Variants in CTBP2 observed in about 807,000 individuals in gnomAD.
The protein encoded by CTBP2 is C-terminal binding protein 2.
A neutral mutation model predicts 80.3 loss-of-function variants in CTBP2; 30 were observed. The ratio of observed to expected loss-of-function variants is 0.37; its 90% CI spans 0.28 to 0.51. CTBP2 has a LOEUF of 0.51. Ranked by LOEUF, CTBP2 falls within the 20% of genes least tolerant of loss-of-function variation. The probability of loss-of-function intolerance (pLI) is 0.93; values close to 1 mark genes in which losing one functional copy is unlikely to be tolerated. For synonymous variants in CTBP2, 594 were observed against 587.4 expected (o/e 1.01, Z -0.16); for missense variants, 1,212 against 1,375.3 (o/e 0.88, Z 1.88).
chr10:125,161,574 G>A (rs1360541574), upstream of CTBP2, among the ~76,000 whole-genome samples: 1 of 152,182 alleles, frequency 6.6e-6, no homozygotes, highest in African/African-American at 2.4e-5. Flanking sequence ...GCCACAGGGG[G>A]CACTTGCGCT....
chr10:125,131,373 A>G (rs188501354), intron 1 of CTBP2, among the ~76,000 whole-genome samples: 2 of 152,290 alleles, frequency 1.3e-5, no homozygotes, highest in South Asian at 2.1e-4. Flanking sequence ...GCCGAACCCA[A>G]AGTGTTTAGG....
At chr10:125,034,572 C>T (rs1255225793) in intron 3 of CTBP2, among the ~76,000 whole-genome samples, 1 of 152,050 alleles carries the variant, frequency 6.6e-6, no homozygotes, top group Non-Finnish European at 1.5e-5. Flanking sequence ...CATTATGAAT[C>T]CCATTTTTAA....
At chr10:125,044,672 C>CG (rs1207269645) in intron 2 of CTBP2, among the ~76,000 whole-genome samples, 2 of 152,190 alleles carry the variant, frequency 1.3e-5, no homozygotes, top group Non-Finnish European at 2.9e-5. Context: ...AAGGCTGAGA[C>CG]GGGCAGCTCT....
At chr10:125,008,025 C>A (rs1280259798) in intron 1 of CTBP2, among the ~76,000 whole-genome samples, 3 of 152,012 alleles carry the variant, frequency 2.0e-5, no homozygotes, top group Admixed American at 6.6e-5. Context: ...CCGCTCACTG[C>A]AACCTCCACC....
intron 1 of CTBP2, among the ~76,000 whole-genome samples, chr10:125,139,659 T>C (rs1293041744): frequency 6.6e-6 from 1 of 152,164 alleles, no homozygotes; most frequent in Non-Finnish European, 1.5e-5. Flanking sequence ...GGAGGGGCTC[T>C]CAACTCACTT....
chr10:125,155,611 C>A (rs1418663923), intron 1 of CTBP2, among the ~76,000 whole-genome samples: 1 of 151,854 alleles, frequency 6.6e-6, no homozygotes, highest in Non-Finnish European at 1.5e-5. Context: ...AAAAGGGCCA[C>A]TGAACACCTT....
At chr10:125,091,603 T>C (rs1000225684) in intron 2 of CTBP2, among the ~76,000 whole-genome samples, 1 of 152,082 alleles carries the variant, frequency 6.6e-6, no homozygotes, top group Non-Finnish European at 1.5e-5. Context: ...GGAGACCCCA[T>C]CTCTACAAAC....
At chr10:125,150,163 G>A (rs962021288) in intron 1 of CTBP2, among the ~76,000 whole-genome samples, 1 of 152,208 alleles carries the variant, frequency 6.6e-6, no homozygotes, top group Non-Finnish European at 1.5e-5. Context: ...GAATGCCAGA[G>A]GCAACCAGAG....
intron 1 of CTBP2, among the ~76,000 whole-genome samples, chr10:125,009,682 A>G (rs1955649260): frequency 6.6e-6 from 1 of 152,182 alleles, no homozygotes; most frequent in African/African-American, 2.4e-5. Flanking sequence ...TCTACAACAT[A>G]AAACTGAAAA....
chr10:125,086,297 C>A (rs1213197273), intron 2 of CTBP2, among the ~76,000 whole-genome samples: 2 of 151,966 alleles, frequency 1.3e-5, no homozygotes, highest in Non-Finnish European at 2.9e-5. Flanking sequence ...TTTGGGAGGC[C>A]GAGGTAAGTG....
In CTBP2 at chr10:125,027,941, C is replaced by T. The variant is rs1247928361; in HGVS notation, c.-182G>A. The T allele has an allele frequency of 1.4e-6, 2 of 1,413,744 alleles. No homozygotes were observed. Among genetic ancestry groups the T allele is most frequent in the African/African-American group, 1.4e-5 (1 of 69,236 alleles). 87.6% of individuals were successfully genotyped at this position (1,413,744 alleles called of 1,614,324 possible). A position where few individuals can be genotyped will look rare whatever the true frequency, so the allele number is the denominator to read the frequency against. ...ATTAATCCTCCGAAACCTTAGCAGACAAAACATAAGACTCACGGTAACTTT... is the reference window on the plus strand; with the variant it reads ...ATTAATCCTCCGAAACCTTAGCAGATAAAACATAAGACTCACGGTAACTTT... On this transcript the variant is annotated 5_prime_UTR_variant, in exon 1 of 9. Transcript: ENST00000309035.
intron 1 of CTBP2, among the ~76,000 whole-genome samples, chr10:125,018,278 A>T (rs1956696944): frequency 6.6e-6 from 1 of 152,198 alleles, no homozygotes; most frequent in Admixed American, 6.5e-5. Flanking sequence ...TAATCCCAAC[A>T]CTTTGGGAGG....
At chr10:125,070,979 C>T (rs972299586) in intron 2 of CTBP2, among the ~76,000 whole-genome samples, 3 of 152,228 alleles carry the variant, frequency 2.0e-5, no homozygotes, top group Admixed American at 2.0e-4. Context: ...AAAAGAAAAT[C>T]ACCCACTTCC....
intron 1 of CTBP2, among the ~76,000 whole-genome samples, chr10:125,144,652 G>A (rs1209266583): frequency 1.3e-5 from 2 of 152,130 alleles, no homozygotes; most frequent in African/African-American, 4.8e-5. Flanking sequence ...CCTCGGGGGC[G>A]CTCCTGAAGG....
In CTBP2 at chr10:124,984,989, ATG is replaced by A. The variant is rs1239261799; in HGVS notation, c.*4527_*4528del. 2.5e-6 allele frequency: 4 copies of A among 1,602,102 alleles called. No individual in the cohort carries two copies. In the Admixed American group the frequency reaches 5.1e-5, roughly 20 times the overall value. ...AGGAAGATGAGGATGATGAAGATGA[ATG>A]AAAAAAAAAATCAAACAGCAGAAGA... On this transcript the variant is annotated 3_prime_UTR_variant, in exon 9 of 9. Coordinates refer to ENST00000309035, the MANE Select transcript of CTBP2 (RefSeq NM_022802.3).
At chr10:125,143,703 A>G (rs1208063953) in intron 1 of CTBP2, among the ~76,000 whole-genome samples, 1 of 152,230 alleles carries the variant, frequency 6.6e-6, no homozygotes, top group East Asian at 1.9e-4. Flanking sequence ...TTATGGGAAT[A>G]TCTCCGTTCA....
At chr10:125,057,313 C>T (rs1964136439) in intron 2 of CTBP2, among the ~76,000 whole-genome samples, 1 of 152,136 alleles carries the variant, frequency 6.6e-6, no homozygotes, top group African/African-American at 2.4e-5. Context: ...ATTGGCCAGA[C>T]CAGCACTCCT....
intron 3 of CTBP2, among the ~76,000 whole-genome samples, chr10:125,036,668 G>GGGGT (rs1258371613): frequency 5.9e-5 from 7 of 119,350 alleles, no homozygotes; most frequent in South Asian, 6.0e-4. Context: ...AGCTAGAGGG[G>GGGGT]GTGTGTGTGT....
chr10:125,002,840 T>C, intron 3 of CTBP2, 120 bp downstream of exon 5: 3 of 1,302,878 alleles, frequency 2.3e-6, no homozygotes, highest in South Asian at 2.8e-5. Context: ...GGCAGCCACC[T>C]TGCTACAGCC....
Sources: gnomAD v4.1 joint callset for allele counts (sites outside exome capture counted in the v4.1 genomes callset) on GRCh38, gnomAD v4.1.1 for gene constraint, MANE v1.5 for transcripts, NCBI Gene and HGNC (gene_info 2026-07-23, HGNC 2026-07-21) for gene names.